NBPF19: variants seen among roughly 807,000 people sequenced by gnomAD.
The protein encoded by NBPF19 is NBPF family member NBPF19.
A neutral mutation model predicts 45.9 loss-of-function variants in NBPF19; 30 were observed. The ratio of observed to expected loss-of-function variants is 0.65; its 90% CI spans 0.49 to 0.89. NBPF19 has a LOEUF of 0.89. NBPF19 is among the 40% of genes least tolerant of loss of function. The pLI is 0.00. For missense variants in NBPF19, 495 were observed against 471.8 expected (o/e 1.05, Z -0.46); for synonymous variants, 183 against 181.2 (o/e 1.01, Z -0.08).
At position 149,488,142 on chromosome 1, in the gene NBPF19, C is replaced by T. The variant is rs1435474033; in HGVS notation, c.1170C>T (p.Tyr390=). 5.2e-5 allele frequency: 35 copies of T among 679,430 alleles called. No individual in the cohort carries two copies. The highest frequency in any genetic ancestry group is 1.1e-4 in the East Asian group (4 of 36,572). The allele number at this position is 679,430 out of a possible 1,614,324, so 42.1% of individuals were successfully genotyped here. ...DSCQPYRSAF[Y]VLEQQRVGLA... ...GCCAGCCCTACAGAAGTGCCTTTTA[C>T]GTATTGGAGCAACAGCGTGTTGGCT... Residue 390 remains tyrosine, a synonymous_variant, in exon 10 of 94, where the codon TAC becomes TAT. Coordinates refer to ENST00000651566, the MANE Select transcript of NBPF19 (RefSeq NM_001351365.2).
chr1:149,479,096 TAAGGTGGCCATAGGCCCTGATG>T lies in NBPF19; in HGVS notation c.493+4_493+25del. On this transcript the variant is annotated splice_donor_5th_base_variant and intron_variant, in intron 4 of 93. Transcript: ENST00000651566. ...ACCTTGTCCAAAAGCTCAGCCCAGGTAAGGTGGCCATAGGCCCTGATGACCCAAAACCCCAGGCTTATGAGAG... is the reference window on the plus strand; with the variant it reads ...ACCTTGTCCAAAAGCTCAGCCCAGGTACCCAAAACCCCAGGCTTATGAGAG... 6.6e-7 allele frequency: 1 copy of T among 1,518,782 alleles called. No homozygotes were observed. Among genetic ancestry groups the T allele is most frequent in the South Asian group, 1.1e-5 (1 of 89,262 alleles). The allele number at this position is 1,518,782 out of a possible 1,614,324, so 94.1% of individuals were successfully genotyped here.
chr1:149,487,783 G>A (rs1316888337), intron 9 of NBPF19, among the ~76,000 whole-genome samples: 1 of 131,648 alleles, frequency 7.6e-6, no homozygotes, highest in South Asian at 2.9e-4. Flanking sequence ...CTCTGTGTGT[G>A]TGTGTGTGTG....
intron 7 of NBPF19, among the ~76,000 whole-genome samples, chr1:149,484,501 A>T (rs1430009109): frequency 0.017 from 2,316 of 139,308 alleles, 27 homozygotes; most frequent in African/African-American, 0.039. Flanking sequence ...TATTAAAAAA[A>T]ATATATATAT....
intron 13 of NBPF19, among the ~76,000 whole-genome samples, chr1:149,490,763 G>A (rs2085811300): frequency 3.6e-5 from 2 of 55,548 alleles, no homozygotes; most frequent in East Asian, 8.5e-4. Context: ...ACATTTTATG[G>A]AAAATTATTG....
At chr1:149,486,372 CT>C (rs2085497173) in intron 8 of NBPF19, 79 bp downstream of exon 8, 1 of 652,014 alleles carries the variant, frequency 1.5e-6, no homozygotes, top group African/African-American at 2.0e-5. Flanking sequence ...CCTTGTGCCC[CT>C]TGTTGGGCTG....
chr1:149,477,369 CATACTA>C (rs1415054331), intron 2 of NBPF19, among the ~76,000 whole-genome samples: 3 of 151,496 alleles, frequency 2.0e-5, no homozygotes, highest in Non-Finnish European at 4.4e-5. Flanking sequence ...TGCTGCCTCT[CATACTA>C]ATAAAGTATT....
At chr1:149,480,977 TAAA>T in intron 6 of NBPF19, 93 bp downstream of exon 6, 2 of 802,572 alleles carry the variant, frequency 2.5e-6, no homozygotes, top group Non-Finnish European at 4.1e-6. Context: ...TTCATTTGAA[TAAA>T]AAACTGTGAT....
At position 149,515,083 on chromosome 1, in the gene NBPF19, T is replaced by G. The variant is rs2086381258; in HGVS notation, c.5298T>G (p.His1766Gln). The change falls in exon 44 of 94, where the codon CAT (histidine) becomes CAG (glutamine). Residue 1766 changes from histidine (H) to glutamine (Q), a missense_variant. Physicochemically the swap from His to Gln is conservative, Grantham distance 24. Transcript: ENST00000651566. ...CCTTTTATGCATTGGAGGAAAAACATGTTGGCTTTTCTCTTGACGTGGGAG... is the reference window on the plus strand; with the variant it reads ...CCTTTTATGCATTGGAGGAAAAACAGGTTGGCTTTTCTCTTGACGTGGGAG... ...GSSFYALEEK[H>Q]VGFSLDVGEI... 1 of 822,694 alleles carries G rather than the reference T, an allele frequency of 1.2e-6. No homozygotes were observed. Among genetic ancestry groups the G allele is most frequent in the Non-Finnish European group, 2.0e-6 (1 of 500,928 alleles). The allele number at this position is 822,694 out of a possible 1,614,324, so 51.0% of individuals were successfully genotyped here. A position where few individuals can be genotyped will look rare whatever the true frequency, so the allele number is the denominator to read the frequency against.
At position 149,488,200 on chromosome 1, in the gene NBPF19, A is replaced by C; in HGVS notation, c.1213+15A>C. The C allele has an allele frequency of 1.6e-6, 1 of 615,122 alleles. No homozygotes were observed. Among genetic ancestry groups the C allele is most frequent in the African/African-American group, 2.0e-5 (1 of 48,994 alleles). 38.1% of individuals were successfully genotyped at this position (615,122 alleles called of 1,614,324 possible). A position where few individuals can be genotyped will look rare whatever the true frequency, so the allele number is the denominator to read the frequency against. ...TGACATGGATGGTGAGTACCTTTCT[A>C]TGAAGGTGATAAGGATCCACTGAGT... On this transcript the variant is annotated intron_variant, in intron 10 of 93. Transcript: ENST00000651566.
chr1:149,488,407 C>T lies in NBPF19; in HGVS notation c.1213+222C>T, dbSNP rs202037914. 6.2e-4 allele frequency among the ~76,000 whole-genome samples: 88 copies of T among 142,122 alleles called. 4 individuals are homozygous for T. The highest frequency in any genetic ancestry group is 1.6e-3 in the African/African-American group (61 of 37,786). The allele number at this position is 142,122 out of a possible 152,430, so 93.2% of individuals were successfully genotyped here. ...TCCTAGTCTCAGGCCATACCTGTGGCGCCCTAATCCTACTCTCATGACGTT... is the reference window on the plus strand; with the variant it reads ...TCCTAGTCTCAGGCCATACCTGTGGTGCCCTAATCCTACTCTCATGACGTT... On this transcript the variant is annotated intron_variant, in intron 10 of 93. Transcript: ENST00000651566.
At chr1:149,487,967 T>C (rs1327082347) in intron 9 of NBPF19, 46 bp from the exon 10 acceptor site, 5 of 695,392 alleles carry the variant, frequency 7.2e-6, no homozygotes, top group Middle Eastern at 7.5e-4. Flanking sequence ...GCTGTGTGGT[T>C]TCTGATTCCC....
chr1:149,478,648 G>A (rs1344503024), intron 3 of NBPF19, among the ~76,000 whole-genome samples: 17 of 150,960 alleles, frequency 1.1e-4, no homozygotes, highest in African/African-American at 4.1e-4. Context: ...TTACAGAAGA[G>A]AAAGATGAAT....
At position 149,554,544 on chromosome 1, in the gene NBPF19, T is replaced by A. The variant is rs2087196836; in HGVS notation, c.11338T>A (p.Ser3780Thr). The A allele has an allele frequency of 6.2e-7, 1 of 1,608,176 alleles. No homozygotes were observed. Among genetic ancestry groups the A allele is most frequent in the Non-Finnish European group, 8.5e-7 (1 of 1,176,754 alleles). The change falls in exon 94 of 94, where the codon TCA becomes ACA. Residue 3780 changes from serine (S) to threonine (T), a missense_variant. Ser to Thr is a moderately conservative substitution (Grantham distance 58). Coordinates refer to ENST00000651566, the MANE Select transcript of NBPF19 (RefSeq NM_001351365.2). ...EVEEPEVLQD[S>T]LDGCYSTPSM... The stretch of plus-strand genomic sequence containing the variant: ...GGAAGAGCCTGAAGTCTTACAGGAC[T>A]CACTGGATGGATGTTATTCGACTCC...
rs1465736380 is a variant in NBPF19, at chr1:149,555,146, T to C, written c.*408T>C. The C allele has an allele frequency of 4.5e-5, 11 of 244,806 alleles. 1 individual carries two copies. Among genetic ancestry groups the C allele is most frequent in the Non-Finnish European group, 8.8e-5 (11 of 125,210 alleles). 15.2% of individuals were successfully genotyped at this position (244,806 alleles called of 1,614,324 possible). ...GGTTTCAATGAACCTAACCTCATTC[T>C]TTGTGTCTTCAGTGTTGGCTTGTTT... On this transcript the variant is annotated 3_prime_UTR_variant, in exon 94 of 94. Transcript: ENST00000651566.
intron 17 of NBPF19, among the ~76,000 whole-genome samples, chr1:149,494,068 G>A (rs1478507472): frequency 9.6e-5 from 12 of 124,548 alleles, no homozygotes; most frequent in South Asian, 2.7e-4. Flanking sequence ...TGTGTCACCC[G>A]GCCAACTCGC....
At chr1:149,486,596 G>T (rs60163223) in intron 8 of NBPF19, among the ~76,000 whole-genome samples, 1 of 151,300 alleles carries the variant, frequency 6.6e-6, no homozygotes, top group Non-Finnish European at 1.5e-5. Flanking sequence ...ACATGCCCAG[G>T]AGTTGTCTGT....
At position 149,508,794 on chromosome 1, in the gene NBPF19, AG is replaced by A. The variant is rs1449256244; in HGVS notation, c.4366+28del. On this transcript the variant is annotated intron_variant, in intron 36 of 93. Transcript: ENST00000651566. ...TGAGTACCTTACTATGAAGGTGATA[AG>A]CCTCCACCTGGTCTTCCAGATAGGG... 62 of 159,696 alleles carry A rather than the reference AG, an allele frequency of 3.9e-4. 5 individuals carry two copies. In the African/African-American group the frequency reaches 9.1e-3, roughly 23 times the overall value. The allele number at this position is 159,696 out of a possible 1,614,324, so 9.9% of individuals were successfully genotyped here.
At chr1:149,554,465 C>A in intron 93 of NBPF19, 30 bp from the exon 94 acceptor site, 1 of 1,607,990 alleles carries the variant, frequency 6.2e-7, no homozygotes. Context: ...TTTTCCCTGG[C>A]TGCTTCTTTA....
At position 149,554,401 on chromosome 1, in the gene NBPF19, C is replaced by G. The variant is rs1172049961; in HGVS notation, c.11289-94C>G. The G allele has an allele frequency of 3.1e-6, 5 of 1,598,620 alleles. No homozygotes were observed. The East Asian group carries it at 8.9e-5, about 29-fold the overall frequency. ...TTAATGGATCTATCCTTTTTCTTTT[C>G]TAACCACTTCCTTATGTGACTTCTG... On this transcript the variant is annotated intron_variant, in intron 93 of 93. Coordinates refer to ENST00000651566, the MANE Select transcript of NBPF19 (RefSeq NM_001351365.2).
Sources: allele counts gnomAD v4.1 joint callset (sites outside exome capture counted in the v4.1 genomes callset), GRCh38; gene constraint gnomAD v4.1.1; transcripts MANE v1.5; gene names NCBI Gene and HGNC (gene_info 2026-07-23, HGNC 2026-07-21).